SCAI: variants seen among roughly 807,000 people sequenced by gnomAD.
SCAI encodes suppressor of cancer cell invasion, also known as protein SCAI.
A neutral mutation model predicts 92.2 loss-of-function variants in SCAI; 24 were observed. The ratio of observed to expected loss-of-function variants is 0.26; its 90% CI spans 0.19 to 0.37. SCAI has a LOEUF of 0.37. Ranked by LOEUF, SCAI falls within the 10% of genes least tolerant of loss-of-function variation. The probability of loss-of-function intolerance (pLI) is 1.00; values close to 1 mark genes in which losing one functional copy is unlikely to be tolerated. For synonymous variants in SCAI, 261 were observed against 258.6 expected, an observed-to-expected ratio of 1.01 and a Z score of -0.09; for missense variants, 450 against 736.2, an observed-to-expected ratio of 0.61 and a Z score of 4.50.
At chr9:125,029,308 G>A (rs1221842071) in intron 4 of SCAI, among the ~76,000 whole-genome samples, 1 of 151,882 alleles carries the variant, frequency 6.6e-6, no homozygotes, top group African/African-American at 2.4e-5. Flanking sequence ...ATTTTGTAGA[G>A]ATAGGGTTTA....
chr9:125,056,229 G>A (rs1311749954), intron 2 of SCAI, among the ~76,000 whole-genome samples: 1 of 152,148 alleles, frequency 6.6e-6, no homozygotes, highest in African/African-American at 2.4e-5. Context: ...ACTTTGGGAG[G>A]CCGAGGTGGA....
At chr9:125,099,425 G>A (rs1184990934) in intron 2 of SCAI, among the ~76,000 whole-genome samples, 4 of 151,998 alleles carry the variant, frequency 2.6e-5, no homozygotes, top group East Asian at 1.9e-4. Flanking sequence ...TAGATGAGAT[G>A]TGCGCTACCA....
chr9:125,028,970 A>T (rs1435172793), intron 4 of SCAI, among the ~76,000 whole-genome samples: 2 of 151,156 alleles, frequency 1.3e-5, no homozygotes, highest in Non-Finnish European at 3.0e-5. Flanking sequence ...ACTAATTTTT[A>T]TATTTTTAGT....
At position 125,133,258 on chromosome 9, in the gene SCAI, C is replaced by A. The variant is rs79821334; in HGVS notation, c.98+9375G>T. On this transcript the variant is annotated intron_variant, in intron 2 of 17. Transcript: ENST00000336505. The stretch of plus-strand genomic sequence containing the variant: ...TACAAAAATTCACCGGGTGTGGTAG[C>A]AGGCGCCTTAATCGCAGCTCCTACA... Among the ~76,000 whole-genome samples the A allele has an allele frequency of 4.6e-5, 7 of 151,676 alleles. No homozygotes were observed. In the East Asian group the frequency reaches 1.4e-3, roughly 30 times the overall value.
chr9:125,018,288 G>T (rs1033105016), intron 9 of SCAI, among the ~76,000 whole-genome samples: 2 of 151,814 alleles, frequency 1.3e-5, no homozygotes, highest in Admixed American at 6.6e-5. Flanking sequence ...TAGAGATGGG[G>T]CTTCGTCATG....
intron 14 of SCAI, among the ~76,000 whole-genome samples, chr9:124,977,037 T>G (rs1018503216): frequency 3.9e-5 from 6 of 151,970 alleles, no homozygotes; most frequent in African/African-American, 1.5e-4. Flanking sequence ...CCTGGCTAAT[T>G]TTTATATTTT....
intron 2 of SCAI, among the ~76,000 whole-genome samples, chr9:125,098,915 C>T (rs560905392): frequency 5.3e-5 from 8 of 151,974 alleles, no homozygotes; most frequent in African/African-American, 7.2e-5. Context: ...AGAACATCTA[C>T]GACATCAAAA....
At chr9:125,040,849 A>T (rs1208449029) in intron 3 of SCAI, among the ~76,000 whole-genome samples, 2 of 151,270 alleles carry the variant, frequency 1.3e-5, no homozygotes, top group Non-Finnish European at 2.9e-5. Context: ...TGGCCAGGCT[A>T]GTCTTGAACT....
At chr9:125,122,180 T>C (rs1835168389) in intron 2 of SCAI, among the ~76,000 whole-genome samples, 1 of 152,238 alleles carries the variant, frequency 6.6e-6, no homozygotes, top group Admixed American at 6.5e-5. Flanking sequence ...TACACTAGGA[T>C]TTCTCCTACT....
At chr9:125,081,725 G>A (rs1465434423) in intron 2 of SCAI, among the ~76,000 whole-genome samples, 3 of 152,188 alleles carry the variant, frequency 2.0e-5, no homozygotes, top group Admixed American at 6.5e-5. Flanking sequence ...GGCGCATGCT[G>A]CCAGGCCCAG....
Position 125,032,195 on chromosome 9 carries a change from A to ATAT in SCAI, c.231-2457_231-2456insATA, listed in dbSNP as rs1177865840. 8.6e-4 allele frequency among the ~76,000 whole-genome samples: 86 copies of ATAT among 99,440 alleles called. 1 individual carries two copies. Among genetic ancestry groups the ATAT allele is most frequent in the East Asian group, 3.9e-3 (12 of 3,058 alleles). The allele number at this position is 99,440 out of a possible 152,430, so 65.2% of individuals were successfully genotyped here. A position where few individuals can be genotyped will look rare whatever the true frequency, so the allele number is the denominator to read the frequency against. On this transcript the variant is annotated intron_variant, in intron 3 of 17. Coordinates refer to ENST00000336505, the MANE Select transcript of SCAI (RefSeq NM_001144877.3). ...AATATATATATATATATATATATAT[A>ATAT]TTTTTTTTTTTTTTTGAGATGGAGT...
chr9:124,996,057 T>A (rs1374636603), intron 13 of SCAI, among the ~76,000 whole-genome samples: 1 of 152,158 alleles, frequency 6.6e-6, no homozygotes, highest in Admixed American at 6.5e-5. Flanking sequence ...ATATTTCAAA[T>A]AAAAGTTTTT....
rs1462303973 is a variant in SCAI, at chr9:125,000,004, G to A, written c.1145-14C>T. The A allele has an allele frequency of 1.5e-6, 2 of 1,336,088 alleles. No homozygotes were observed. The highest frequency in any genetic ancestry group is 2.0e-5 in the Admixed American group (1 of 49,124). 82.8% of individuals were successfully genotyped at this position (1,336,088 alleles called of 1,614,324 possible). On this transcript the variant is annotated splice_polypyrimidine_tract_variant and intron_variant, in intron 12 of 17. Coordinates refer to ENST00000336505, the MANE Select transcript of SCAI (RefSeq NM_001144877.3). The stretch of plus-strand genomic sequence containing the variant: ...AATCATAAGGACCTATAAAAACAAA[G>A]GGAAGAATCCTAGACTTCAGTTGAA...
chr9:125,018,365 A>T (rs374112015), intron 9 of SCAI, among the ~76,000 whole-genome samples: 1 of 152,078 alleles, frequency 6.6e-6, no homozygotes, highest in East Asian at 1.9e-4. Context: ...CAAAGTGCTG[A>T]GATTCCAGGT....
rs577071846 is a variant in SCAI at position 125,067,781 on chromosome 9, C to T, written c.99-11774G>A. On this transcript the variant is annotated intron_variant, in intron 2 of 17. Transcript: ENST00000336505. Reference sequence around the variant, plus strand: ...GAAACTAATACATAGATACATAATACATCGATAGAGTCCTTACACAGATTA... The same window carrying T: ...GAAACTAATACATAGATACATAATATATCGATAGAGTCCTTACACAGATTA... 5.3e-5 allele frequency among the ~76,000 whole-genome samples: 8 copies of T among 152,306 alleles called. No individual in the cohort carries two copies. In the South Asian group the frequency reaches 1.2e-3, roughly 24 times the overall value.
intron 13 of SCAI, among the ~76,000 whole-genome samples, chr9:124,997,771 G>C (rs1286469039): frequency 6.6e-6 from 1 of 151,706 alleles, no homozygotes; most frequent in Non-Finnish European, 1.5e-5. Flanking sequence ...AGCTACTTGG[G>C]AGGCTGAGGC....
chr9:125,010,916 C>G (rs572533713), intron 9 of SCAI, among the ~76,000 whole-genome samples: 2 of 152,186 alleles, frequency 1.3e-5, no homozygotes, highest in Non-Finnish European at 2.9e-5. Flanking sequence ...GGTACCCAGG[C>G]AAACAGGGTC....
At chr9:125,007,947 G>A (rs1832546986) in intron 9 of SCAI, among the ~76,000 whole-genome samples, 1 of 151,710 alleles carries the variant, frequency 6.6e-6, no homozygotes, top group South Asian at 2.1e-4. Flanking sequence ...CCGGGTTCAC[G>A]CCATTCTCCT....
At chr9:125,042,642 C>CGTGTGTGTGTGTGTGTGTGTGTGTGT (rs1833344683) in intron 3 of SCAI, among the ~76,000 whole-genome samples, 1 of 84,176 alleles carries the variant, frequency 1.2e-5, no homozygotes, top group Admixed American at 1.4e-4. Flanking sequence ...TGTACACACA[C>CGTGTGTGTGTGTGTGTGTGTGTGTGT]ACACACACAC....
Sources: gnomAD v4.1 joint callset for allele counts (sites outside exome capture counted in the v4.1 genomes callset) on GRCh38, gnomAD v4.1.1 for gene constraint, MANE v1.5 for transcripts, NCBI Gene and HGNC (gene_info 2026-07-23, HGNC 2026-07-21) for gene names.